The following OSBPL6 variants were observed in gnomAD, a reference collection of about 807,000 sequenced individuals.
The protein encoded by OSBPL6 is oxysterol-binding protein-related protein 6.
Under a neutral mutation model 125.8 loss-of-function variants are expected in OSBPL6, and 49 were observed. The ratio of observed to expected loss-of-function variants is 0.39; its 90% CI spans 0.31 to 0.49. The LOEUF (loss-of-function observed/expected upper bound fraction) is 0.49. Ranked by LOEUF, OSBPL6 falls within the 20% of genes least tolerant of loss-of-function variation. The pLI, the probability that OSBPL6 is intolerant of heterozygous loss-of-function variation, is 0.88. For synonymous variants in OSBPL6, 394 were observed against 391.8 expected, an observed-to-expected ratio of 1.01 and a Z score of -0.07; for missense variants, 986 against 1,135.4, an observed-to-expected ratio of 0.87 and a Z score of 1.89.
rs902898047 is a variant in OSBPL6 at position 178,402,283 on chromosome 2, A to G, written c.*6724A>G. The stretch of plus-strand genomic sequence containing the variant: ...AAAGGCAAGATTTTTGCTAAACCGG[A>G]GAACGTAAAAATACATTCCTAGAGG... On this transcript the variant is annotated 3_prime_UTR_variant, in exon 25 of 25. Transcript: ENST00000190611. The G allele has an allele frequency of 5.3e-5, 8 of 152,326 alleles. No homozygotes were observed. The highest frequency in any genetic ancestry group is 1.7e-4 in the African/African-American group (7 of 41,572). 9.4% of individuals were successfully genotyped at this position (152,326 alleles called of 1,614,324 possible). A position where few individuals can be genotyped will look rare whatever the true frequency, so the allele number is the denominator to read the frequency against.
chr2:178,400,322 T>C lies in OSBPL6; in HGVS notation c.*4763T>C, dbSNP rs1696066177. ...TTTTGAGACAGAGTCTTGAGTGCTCTGTCACCCAGGCTGGAGCGCAATGGC... is the reference window on the plus strand; with the variant it reads ...TTTTGAGACAGAGTCTTGAGTGCTCCGTCACCCAGGCTGGAGCGCAATGGC... On this transcript the variant is annotated 3_prime_UTR_variant, in exon 25 of 25. Transcript: ENST00000190611. 1 of 151,416 alleles carries C rather than the reference T, an allele frequency of 6.6e-6. No individual in the cohort carries two copies. Among genetic ancestry groups the C allele is most frequent in the African/African-American group, 2.4e-5 (1 of 41,100 alleles). 9.4% of individuals were successfully genotyped at this position (151,416 alleles called of 1,614,324 possible). A position where few individuals can be genotyped will look rare whatever the true frequency, so the allele number is the denominator to read the frequency against.
intron 20 of OSBPL6, 84 bp downstream of exon 20, chr2:178,387,223 GGGTTTCTTTCTC>G: frequency 9.0e-7 from 1 of 1,115,948 alleles, no homozygotes; most frequent in South Asian, 1.5e-5. Context: ...AAGATGGTAA[GGGTTTCTTTCTC>G]TTTATACCCA....
At chr2:178,231,523 A>C (rs1463601820) in intron 1 of OSBPL6, among the ~76,000 whole-genome samples, 1 of 152,058 alleles carries the variant, frequency 6.6e-6, no homozygotes, top group African/African-American at 2.4e-5. Context: ...TCATTAAAGG[A>C]AAACCTTACC....
chr2:178,255,629 C>T (rs13407107), intron 1 of OSBPL6, among the ~76,000 whole-genome samples: 1,715 of 152,346 alleles, frequency 0.011, 32 homozygotes, highest in African/African-American at 0.039. Context: ...TTGGGTACTG[C>T]AGAGCTGGTC....
Position 178,385,473 on chromosome 2 carries a change from C to G in OSBPL6, c.2029C>G (p.Pro677Ala). ...TAATTACCAGGTTAGCCATCATCCA[C>G]CCATTTCTGCCTGTCACTGTGAATC... ...FFSEQVSHHP[P>A]ISACHCESKN... Residue 677 changes from proline (P) to alanine (A), a missense_variant, in exon 19 of 25, where the codon CCC becomes GCC. This residue lies in a region of OSBPL6 where 843 missense variants were observed against 997.3 expected (regional missense o/e 0.85). Coordinates refer to ENST00000190611, the MANE Select transcript of OSBPL6 (RefSeq NM_032523.4). 6.2e-7 allele frequency: 1 copy of G among 1,611,320 alleles called. No homozygotes were observed. The highest frequency in any genetic ancestry group is 8.5e-7 in the Non-Finnish European group (1 of 1,178,092).
chr2:178,260,357 C>CTATATGTATATGTATATGTATATG (rs71393412), intron 1 of OSBPL6, among the ~76,000 whole-genome samples: 48 of 151,362 alleles, frequency 3.2e-4, no homozygotes, highest in African/African-American at 1.1e-3. Flanking sequence ...GACTTCCAAG[C>CTATATGTATATGTATATGTATATG]TATATGTATA....
At chr2:178,299,480 T>C (rs920300126) in intron 2 of OSBPL6, among the ~76,000 whole-genome samples, 2 of 152,234 alleles carry the variant, frequency 1.3e-5, no homozygotes, top group African/African-American at 4.8e-5. Flanking sequence ...GTTATTCTCA[T>C]ATGTTTACTC....
At chr2:178,373,575 C>G (rs1338049221) in intron 14 of OSBPL6, among the ~76,000 whole-genome samples, 1 of 152,114 alleles carries the variant, frequency 6.6e-6, no homozygotes, top group African/African-American at 2.4e-5. Context: ...TATGACAGAC[C>G]TAAGAATAAG....
intron 1 of OSBPL6, among the ~76,000 whole-genome samples, chr2:178,260,538 G>C (rs2092025409): frequency 6.6e-6 from 1 of 151,976 alleles, no homozygotes; most frequent in African/African-American, 2.4e-5. Context: ...TCTCTCTAAG[G>C]AGCTCTAAGA....
intron 11 of OSBPL6, among the ~76,000 whole-genome samples, chr2:178,348,661 C>CATTTACTAATA (rs1456450095): frequency 6.6e-6 from 1 of 152,152 alleles, no homozygotes; most frequent in African/African-American, 2.4e-5. Context: ...ATATATATTT[C>CATTTACTAATA]ATTTACTAAT....
chr2:178,390,061 A>G (rs1415486710), intron 21 of OSBPL6, among the ~76,000 whole-genome samples: 1 of 152,184 alleles, frequency 6.6e-6, no homozygotes, highest in Non-Finnish European at 1.5e-5. Flanking sequence ...GATGATGTAA[A>G]TATGTACATT....
chr2:178,333,907 G>A (rs1156310483), intron 8 of OSBPL6, among the ~76,000 whole-genome samples: 1 of 152,170 alleles, frequency 6.6e-6, no homozygotes, highest in Non-Finnish European at 1.5e-5. Context: ...CCAAAGTTCA[G>A]AGACAGTAAA....
intron 1 of OSBPL6, among the ~76,000 whole-genome samples, chr2:178,253,768 T>C (rs959859261): frequency 6.6e-6 from 1 of 152,214 alleles, no homozygotes; most frequent in Non-Finnish European, 1.5e-5. Flanking sequence ...AATAAAATAC[T>C]GGACACTGCT....
Position 178,372,241 on chromosome 2 carries a change from T to A in OSBPL6, c.1395+8T>A. ...ATTCCTAGCCCTGATGAGGTAAGACTCATTTTAAATAGATGCAGAGTACCT... is the reference window on the plus strand; with the variant it reads ...ATTCCTAGCCCTGATGAGGTAAGACACATTTTAAATAGATGCAGAGTACCT... On this transcript the variant is annotated splice_region_variant and intron_variant, in intron 14 of 24. Coordinates refer to ENST00000190611, the MANE Select transcript of OSBPL6 (RefSeq NM_032523.4). 6.4e-7 allele frequency: 1 copy of A among 1,572,822 alleles called. No homozygotes were observed. Among genetic ancestry groups the A allele is most frequent in the Non-Finnish European group, 8.7e-7 (1 of 1,152,090 alleles).
rs1694744513 is a variant in OSBPL6 at position 178,384,310 on chromosome 2, C to CTTAATCAGT, written c.2013+138_2013+146dup. ...TGAATTCGAAGTATCTGAGACAGGTCTTAATCAGTTTAGAAAGTTTATTTT... is the reference window on the plus strand; with the variant it reads ...TGAATTCGAAGTATCTGAGACAGGTCTTAATCAGTTTAATCAGTTTAGAAAGTTTATTTT... On this transcript the variant is annotated intron_variant, in intron 18 of 24. Transcript: ENST00000190611. The CTTAATCAGT allele has an allele frequency of 6.6e-6, 8 of 1,205,202 alleles. No homozygotes were observed. In the South Asian group the frequency reaches 9.3e-5, roughly 14 times the overall value. 74.7% of individuals were successfully genotyped at this position (1,205,202 alleles called of 1,614,324 possible).
chr2:178,327,733 T>A (rs1460470215), intron 4 of OSBPL6, among the ~76,000 whole-genome samples: 1 of 152,158 alleles, frequency 6.6e-6, no homozygotes, highest in East Asian at 1.9e-4. Flanking sequence ...AGGTGTCTTA[T>A]GTGCACTTTG....
intron 2 of OSBPL6, among the ~76,000 whole-genome samples, chr2:178,301,740 C>T (rs1686309702): frequency 1.3e-5 from 2 of 152,068 alleles, no homozygotes; most frequent in South Asian, 4.2e-4. Flanking sequence ...CTAACCTGTA[C>T]CACCTACAAG....
chr2:178,338,439 G>A (rs1484407008), intron 9 of OSBPL6, among the ~76,000 whole-genome samples: 1 of 152,180 alleles, frequency 6.6e-6, no homozygotes, highest in Non-Finnish European at 1.5e-5. Context: ...TGCTGGACCA[G>A]CGAATGCACT....
Position 178,321,115 on chromosome 2 carries a change from C to A in OSBPL6, c.103-3062C>A, listed in dbSNP as rs1688204937. On this transcript the variant is annotated intron_variant, in intron 3 of 24. Coordinates refer to ENST00000190611, the MANE Select transcript of OSBPL6 (RefSeq NM_032523.4). ...GTAGTGAGCTGAGATTGTGTCACTG[C>A]ACTCCAGCCTGGCGATGGAGCAAGA... Among the ~76,000 whole-genome samples, 4 of 152,308 alleles carry A rather than the reference C, an allele frequency of 2.6e-5. No homozygotes were observed. In the South Asian group the frequency reaches 8.3e-4, roughly 32 times the overall value.
Sources: gnomAD v4.1 joint callset for allele counts (sites outside exome capture counted in the v4.1 genomes callset) on GRCh38, gnomAD v4.1.1 for gene constraint, gnomAD v4.1.1 regional missense constraint, MANE v1.5 for transcripts, NCBI Gene and HGNC (gene_info 2026-07-23, HGNC 2026-07-21) for gene names.